B3GALT1: variants seen among roughly 807,000 people sequenced by gnomAD.
B3GALT1 encodes the protein UDP-Gal:betaGlcNAc beta 1,3-galactosyltransferase, polypeptide 1.
A neutral mutation model predicts 23.2 loss-of-function variants in B3GALT1; 10 were observed. That is an observed-to-expected ratio of 0.43 (90% CI 0.27 to 0.73). The LOEUF (loss-of-function observed/expected upper bound fraction) is 0.73. Ranked by LOEUF, B3GALT1 falls within the 30% of genes least tolerant of loss-of-function variation. The pLI, the probability that B3GALT1 is intolerant of heterozygous loss-of-function variation, is 0.21. For synonymous variants in B3GALT1, 156 were observed against 141.5 expected, an observed-to-expected ratio of 1.10 and a Z score of -0.73; for missense variants, 299 against 405.4, an observed-to-expected ratio of 0.74 and a Z score of 2.25.
Position 167,393,212 on chromosome 2 carries a change from C to T in B3GALT1, c.-510-96965C>T, listed in dbSNP as rs184789957. ...TTGCGCCACTGCACTCCAGCCTGGG[C>T]GACAGAGCGAGACTCCGTCTCAAAA... On this transcript the variant is annotated intron_variant, in intron 1 of 4. Coordinates refer to ENST00000392690, the MANE Select transcript of B3GALT1 (RefSeq NM_020981.4). 5.4e-3 allele frequency among the ~76,000 whole-genome samples: 782 copies of T among 144,470 alleles called. 4 individuals carry two copies. The highest frequency in any genetic ancestry group is 0.019 in the African/African-American group (718 of 38,670). 94.8% of individuals were successfully genotyped at this position (144,470 alleles called of 152,430 possible).
intron 1 of B3GALT1, among the ~76,000 whole-genome samples, chr2:167,445,816 C>T (rs1490387798): frequency 1.3e-5 from 2 of 152,108 alleles, no homozygotes; most frequent in African/African-American, 4.8e-5. Context: ...ACTCTTTATC[C>T]AATTTGCCAG....
chr2:167,747,846 A>G (rs13401357), intron 3 of B3GALT1, among the ~76,000 whole-genome samples: 25,915 of 152,184 alleles, frequency 0.17, 2,317 homozygotes, highest in South Asian at 0.2. Flanking sequence ...AAAATTTCAA[A>G]ACAAATGTGT....
At chr2:167,501,192 A>G (rs1427625395) in intron 2 of B3GALT1, among the ~76,000 whole-genome samples, 3 of 152,168 alleles carry the variant, frequency 2.0e-5, no homozygotes, top group Admixed American at 6.5e-5. Context: ...TCACAAATCC[A>G]GAAAACTCTT....
chr2:167,751,010 C>G (rs189179371), intron 3 of B3GALT1, among the ~76,000 whole-genome samples: 26 of 152,284 alleles, frequency 1.7e-4, no homozygotes, highest in East Asian at 5.8e-4. Context: ...CAGTCTCTGT[C>G]ACAGCTACTC....
At chr2:167,830,876 G>C (rs1482710498) in intron 4 of B3GALT1, among the ~76,000 whole-genome samples, 1 of 152,214 alleles carries the variant, frequency 6.6e-6, no homozygotes, top group African/African-American at 2.4e-5. Flanking sequence ...TAAGAGAAGT[G>C]GCTTGAATAT....
chr2:167,474,769 T>C (rs546698678), intron 1 of B3GALT1, among the ~76,000 whole-genome samples: 70 of 152,282 alleles, frequency 4.6e-4, no homozygotes, highest in African/African-American at 1.6e-3. Context: ...TATCATTTGG[T>C]AGACTCCTAA....
intron 2 of B3GALT1, among the ~76,000 whole-genome samples, chr2:167,545,632 C>T (rs1237270485): frequency 6.6e-6 from 1 of 152,120 alleles, no homozygotes; most frequent in African/African-American, 2.4e-5. Context: ...CTGTACAGGA[C>T]TGCCCTCACT....
At chr2:167,861,998 C>T (rs746025829) in intron 4 of B3GALT1, among the ~76,000 whole-genome samples, 3 of 152,156 alleles carry the variant, frequency 2.0e-5, no homozygotes, top group Non-Finnish European at 4.4e-5. Flanking sequence ...CTTGGTGAGG[C>T]TCCTGCAACC....
intron 3 of B3GALT1, among the ~76,000 whole-genome samples, chr2:167,797,477 C>T (rs763470281): frequency 6.6e-6 from 1 of 152,048 alleles, no homozygotes; most frequent in Non-Finnish European, 1.5e-5. Flanking sequence ...GATTTATATT[C>T]CTTTGGGTAT....
chr2:167,537,477 G>A (rs1315588321), intron 2 of B3GALT1, among the ~76,000 whole-genome samples: 1 of 152,054 alleles, frequency 6.6e-6, no homozygotes, highest in African/African-American at 2.4e-5. Flanking sequence ...ATCAAGAAAA[G>A]GACTTAAAAT....
chr2:167,740,987 A>C (rs1249371674), intron 3 of B3GALT1, among the ~76,000 whole-genome samples: 1 of 152,218 alleles, frequency 6.6e-6, no homozygotes, highest in Non-Finnish European at 1.5e-5. Context: ...ATTCAGGGGT[A>C]AGCACAGGAC....
At chr2:167,368,306 A>G (rs75448741) in intron 1 of B3GALT1, among the ~76,000 whole-genome samples, 144 of 152,330 alleles carry the variant, frequency 9.5e-4, no homozygotes, top group Non-Finnish European at 1.7e-3. Flanking sequence ...ATAACAATGT[A>G]AGAGATGTGT....
Position 167,396,544 on chromosome 2 carries a change from G to A in B3GALT1, c.-510-93633G>A, listed in dbSNP as rs904964596. Among the ~76,000 whole-genome samples, 166 of 149,210 alleles carry A rather than the reference G, an allele frequency of 1.1e-3. 1 individual carries two copies. The East Asian group carries it at 0.017, about 15-fold the overall frequency. Reference sequence around the variant, plus strand: ...TATATATATATATATATGTGTGTGTGTGTGTGTGTGTGTGTGTGTGTTTAA... The same window carrying A: ...TATATATATATATATATGTGTGTGTATGTGTGTGTGTGTGTGTGTGTTTAA... On this transcript the variant is annotated intron_variant, in intron 1 of 4. Coordinates refer to ENST00000392690, the MANE Select transcript of B3GALT1 (RefSeq NM_020981.4).
chr2:167,713,935 C>T (rs1326177810), intron 3 of B3GALT1: 75 of 1,570,852 alleles, frequency 4.8e-5, no homozygotes, highest in Middle Eastern at 1.7e-4. Context: ...TTCTCGTGAA[C>T]AGGCCCCTTG....
intron 4 of B3GALT1, among the ~76,000 whole-genome samples, chr2:167,820,304 C>G (rs969029747): frequency 6.6e-6 from 1 of 152,128 alleles, no homozygotes; most frequent in Non-Finnish European, 1.5e-5. Flanking sequence ...AGAGGTGGAA[C>G]CTGCTTTAGA....
At chr2:167,828,410 G>T (rs1413215835) in intron 4 of B3GALT1, among the ~76,000 whole-genome samples, 2 of 152,208 alleles carry the variant, frequency 1.3e-5, no homozygotes, top group Admixed American at 1.3e-4. Flanking sequence ...TGTTCTGTGG[G>T]AATGTGACAT....
chr2:167,532,919 T>TG (rs201760955), intron 2 of B3GALT1, among the ~76,000 whole-genome samples: 3,450 of 147,254 alleles, frequency 0.023, 134 homozygotes, highest in African/African-American at 0.084. Context: ...TGGAGTGCAG[T>TG]GGCGTGATCT....
chr2:167,680,320 C>T (rs918273356), intron 3 of B3GALT1, among the ~76,000 whole-genome samples: 2 of 151,950 alleles, frequency 1.3e-5, no homozygotes, highest in Non-Finnish European at 2.9e-5. Context: ...TAAGCTGATA[C>T]GTAAAAAGTC....
intron 2 of B3GALT1, among the ~76,000 whole-genome samples, chr2:167,507,111 T>TA (rs1024563525): frequency 6.6e-6 from 1 of 152,052 alleles, no homozygotes; most frequent in Non-Finnish European, 1.5e-5. Flanking sequence ...AAATATTTCT[T>TA]AAAAAAATAC....
Sources: allele counts gnomAD v4.1 joint callset (sites outside exome capture counted in the v4.1 genomes callset), GRCh38; gene constraint gnomAD v4.1.1; transcripts MANE v1.5; gene names NCBI Gene and HGNC (gene_info 2026-07-23, HGNC 2026-07-21).